ADAM12: variants seen among roughly 807,000 people sequenced by gnomAD.
ADAM12 encodes the protein disintegrin and metalloproteinase domain-containing protein 12.
ADAM12 carries 70 observed loss-of-function variants against 106.4 expected under a neutral mutation model. The ratio of observed to expected loss-of-function variants is 0.66; its 90% CI spans 0.54 to 0.80. The LOEUF is 0.80. ADAM12 is among the 30% of genes least tolerant of loss of function. ADAM12 has a pLI of 0.00. For synonymous variants in ADAM12, 420 were observed against 433.5 expected, an observed-to-expected ratio of 0.97 and a Z score of 0.39; for missense variants, 1,010 against 1,171.9, an observed-to-expected ratio of 0.86 and a Z score of 2.02.
intron 3 of ADAM12, among the ~76,000 whole-genome samples, chr10:126,188,353 A>G (rs1957437000): frequency 6.6e-6 from 1 of 152,204 alleles, no homozygotes; most frequent in Non-Finnish European, 1.5e-5. Flanking sequence ...CTGTTGAAAA[A>G]GCCTTCAAGA....
chr10:126,332,610 T>G (rs1229852138), intron 1 of ADAM12, among the ~76,000 whole-genome samples: 2 of 152,206 alleles, frequency 1.3e-5, no homozygotes, highest in Non-Finnish European at 2.9e-5. Context: ...AAAGCCCCCC[T>G]TTTTTGTTGG....
At chr10:126,028,564 C>T (rs1048257107) in intron 21 of ADAM12, among the ~76,000 whole-genome samples, 4 of 152,062 alleles carry the variant, frequency 2.6e-5, no homozygotes, top group African/African-American at 9.7e-5. Context: ...GAAAGGATTC[C>T]CTATTTAATA....
At chr10:126,152,183 A>G (rs1956739876) in intron 4 of ADAM12, among the ~76,000 whole-genome samples, 1 of 152,018 alleles carries the variant, frequency 6.6e-6, no homozygotes, top group African/African-American at 2.4e-5. Flanking sequence ...TTTTCTTTTG[A>G]GGAAAAATTG....
chr10:126,144,068 G>T (rs927950374), intron 4 of ADAM12, among the ~76,000 whole-genome samples: 3 of 152,150 alleles, frequency 2.0e-5, no homozygotes, highest in African/African-American at 7.2e-5. Flanking sequence ...AACCATGTCT[G>T]GTTAAAAGAC....
rs1565006663 is a variant in ADAM12, at chr10:126,043,237, C to G, written c.1996-89G>C. On this transcript the variant is annotated intron_variant, in intron 17 of 22. Transcript: ENST00000448723. The surrounding 1 kb of genome is among the most constrained non-coding windows in gnomAD (Gnocchi z 4.1). ...AGCAAGGGGGGCCATGGTCAGAGCC[C>G]CCCCCCAACACTGACACAGCCAGAC... is the stretch of plus-strand genomic sequence containing the variant. 3.3e-6 allele frequency: 4 copies of G among 1,218,908 alleles called. No individual in the cohort carries two copies. The highest frequency in any genetic ancestry group is 1.5e-5 in the African/African-American group (1 of 66,820). 75.5% of individuals were successfully genotyped at this position (1,218,908 alleles called of 1,614,324 possible).
At chr10:126,346,416 T>C (rs1425633174) in intron 1 of ADAM12, among the ~76,000 whole-genome samples, 1 of 152,196 alleles carries the variant, frequency 6.6e-6, no homozygotes, top group East Asian at 1.9e-4. Flanking sequence ...TTCTTTTACA[T>C]TTGCTGAGGA....
At chr10:126,181,319 C>A (rs993217698) in intron 3 of ADAM12, among the ~76,000 whole-genome samples, 5 of 152,248 alleles carry the variant, frequency 3.3e-5, no homozygotes, top group Non-Finnish European at 7.4e-5. Flanking sequence ...TGATCCAACA[C>A]CCTCGGTTTT....
At chr10:126,370,867 G>A (rs979866124) in intron 1 of ADAM12, among the ~76,000 whole-genome samples, 5 of 152,116 alleles carry the variant, frequency 3.3e-5, no homozygotes, top group African/African-American at 1.2e-4. Flanking sequence ...AGTTCTCTAT[G>A]CCTTAGTTTC....
intron 11 of ADAM12, among the ~76,000 whole-genome samples, chr10:126,091,638 C>T (rs968732225): frequency 9.9e-5 from 15 of 152,148 alleles, no homozygotes; most frequent in African/African-American, 3.1e-4. Flanking sequence ...AATGATTTGT[C>T]GAGCTCTTAA....
At chr10:126,092,571 A>G (rs1191774535) in intron 11 of ADAM12, among the ~76,000 whole-genome samples, 2 of 152,176 alleles carry the variant, frequency 1.3e-5, no homozygotes, top group African/African-American at 4.8e-5. Context: ...TAGTATCTTG[A>G]GTTTTGCAAT....
intron 3 of ADAM12, among the ~76,000 whole-genome samples, chr10:126,185,982 A>G (rs1171603983): frequency 6.6e-6 from 1 of 152,188 alleles, no homozygotes; most frequent in Non-Finnish European, 1.5e-5. Flanking sequence ...TTCTGTCTAG[A>G]CTTGTGCTGT....
At chr10:126,101,779 A>G (rs889475042) in intron 8 of ADAM12, among the ~76,000 whole-genome samples, 1 of 152,250 alleles carries the variant, frequency 6.6e-6, no homozygotes, top group African/African-American at 2.4e-5. Context: ...GCAGGTTTTA[A>G]TAAAATAAAG....
intron 2 of ADAM12, among the ~76,000 whole-genome samples, chr10:126,327,665 A>G (rs906160556): frequency 6.6e-6 from 1 of 152,048 alleles, no homozygotes; most frequent in Admixed American, 6.6e-5. Context: ...AAAGCTAGGC[A>G]TTTCTGTATA....
rs374493083 is a variant in ADAM12 at position 126,258,235 on chromosome 10, T to C, written c.260+20680A>G. ...CTCTCATATCTTACAAAAACACTTT[T>C]ATTTGCAATCTGTCTTTGTCCTCAT... On this transcript the variant is annotated intron_variant, in intron 3 of 22. Coordinates refer to ENST00000448723, the MANE Select transcript of ADAM12 (RefSeq NM_001288973.2). 3.9e-4 allele frequency among the ~76,000 whole-genome samples: 59 copies of C among 152,342 alleles called. No homozygotes were observed. In the East Asian group the frequency reaches 9.3e-3, roughly 24 times the overall value.
At chr10:126,157,710 G>T (rs1315399745) in intron 3 of ADAM12, among the ~76,000 whole-genome samples, 1 of 152,194 alleles carries the variant, frequency 6.6e-6, no homozygotes, top group Non-Finnish European at 1.5e-5. Context: ...TGCACATGTC[G>T]TGCCAGAGAA....
chr10:126,033,384 C>T (rs548289994), intron 21 of ADAM12, among the ~76,000 whole-genome samples: 1 of 152,302 alleles, frequency 6.6e-6, no homozygotes, highest in East Asian at 1.9e-4. Flanking sequence ...AAGTACATTT[C>T]ACCCTATTTC....
chr10:126,028,724 C>T (rs1953921874), intron 21 of ADAM12, among the ~76,000 whole-genome samples: 1 of 152,234 alleles, frequency 6.6e-6, no homozygotes, highest in South Asian at 2.1e-4. Flanking sequence ...CTAGGCAACA[C>T]CATCGAGGAC....
At chr10:126,371,367 C>A (rs182195039) in intron 1 of ADAM12, among the ~76,000 whole-genome samples, 1 of 152,224 alleles carries the variant, frequency 6.6e-6, no homozygotes, top group East Asian at 1.9e-4. Flanking sequence ...TCTGATCATG[C>A]ACTGAACTGA....
chr10:126,357,845 C>T (rs1855595505), intron 1 of ADAM12, among the ~76,000 whole-genome samples: 2 of 152,308 alleles, frequency 1.3e-5, no homozygotes, highest in South Asian at 2.1e-4. Flanking sequence ...ATGGGAACTA[C>T]ATTTCATGAT....
Sources: allele counts gnomAD v4.1 joint callset (sites outside exome capture counted in the v4.1 genomes callset), GRCh38; gene constraint gnomAD v4.1.1; non-coding constraint Gnocchi (gnomAD v3.1); transcripts MANE v1.5; gene names NCBI Gene and HGNC (gene_info 2026-07-23, HGNC 2026-07-21).